CCDC180: variants seen among roughly 807,000 people sequenced by gnomAD.
CCDC180 encodes coiled-coil domain containing 180, also known as coiled-coil domain-containing protein 180.
In CCDC180, 154 loss-of-function variants were observed where a neutral mutation model predicts 209.2. The observed-to-expected ratio is 0.74, with a 90% CI of 0.65 to 0.84. The LOEUF is 0.84. Among genes scored for constraint, CCDC180 ranks in the 40% least tolerant of loss-of-function variants. The pLI, the probability that CCDC180 is intolerant of heterozygous loss-of-function variation, is 0.00. For synonymous variants in CCDC180, 778 were observed against 749.1 expected (o/e 1.04, Z -0.63); for missense variants, 1,874 against 1,997.3 (o/e 0.94, Z 1.18).
At chr9:97,359,818 C>T (rs1826697674) in intron 25 of CCDC180, among the ~76,000 whole-genome samples, 164 bp from the exon 26 acceptor site, 1 of 152,060 alleles carries the variant, frequency 6.6e-6, no homozygotes, top group South Asian at 2.1e-4. Context: ...AGAGCCAGCC[C>T]AGCCTTCCCC....
chr9:97,325,226 C>T (rs926168357), intron 14 of CCDC180, 34 bp downstream of exon 14: 7 of 1,554,676 alleles, frequency 4.5e-6, no homozygotes, highest in South Asian at 1.2e-5. Context: ...ATGTTTCACA[C>T]CACAAACAGC....
intron 11 of CCDC180, among the ~76,000 whole-genome samples, chr9:97,321,157 G>A (rs1017888635): frequency 6.6e-6 from 1 of 152,160 alleles, no homozygotes; most frequent in South Asian, 2.1e-4. Flanking sequence ...CACATTTAAG[G>A]TAGACTAGGC....
chr9:97,322,216 A>G (rs372957082), intron 11 of CCDC180, among the ~76,000 whole-genome samples: 78 of 151,990 alleles, frequency 5.1e-4, no homozygotes, highest in African/African-American at 1.7e-3. Context: ...GCATCTGTCA[A>G]CCCTCCCAGG....
In CCDC180 at chr9:97,323,796, TG is replaced by T; in HGVS notation, c.1266del (p.Trp422Ter). 1 of 1,558,752 alleles carries T rather than the reference TG, an allele frequency of 6.4e-7. No homozygotes were observed. Among genetic ancestry groups the T allele is most frequent in the South Asian group, 1.2e-5 (1 of 84,476 alleles). On this transcript the variant is annotated frameshift_variant, in exon 13 of 37. Coordinates refer to ENST00000529487, the MANE Select transcript of CCDC180 (RefSeq NM_020893.6). LOFTEE classifies it high-confidence loss of function. ...VQNCKKQLLD[W>X]KAFTEEEAET... is the part of the protein sequence containing the mutation. ...CACACTCCAGAAGCAGCTGCTGGAC[TG>T]GAAAGCCTTCACTGAGGAGGAGGCA...
Position 97,366,225 on chromosome 9 carries a change from G to A in CCDC180, c.4048-334G>A, listed in dbSNP as rs1826915679. 2.6e-5 allele frequency among the ~76,000 whole-genome samples: 4 copies of A among 152,246 alleles called. No individual in the cohort carries two copies. Among genetic ancestry groups the A allele is most frequent in the Non-Finnish European group, 5.9e-5 (4 of 68,046 alleles). On this transcript the variant is annotated intron_variant, in intron 30 of 36. Coordinates refer to ENST00000529487, the MANE Select transcript of CCDC180 (RefSeq NM_020893.6). The surrounding 1 kb of genome is among the most constrained non-coding windows in gnomAD (Gnocchi z 4.3). Reference sequence around the variant, plus strand: ...GGCTCGCCCGTCTTTGTGGCCTGCAGCCTATACCCAGCTTGGCACTTCCTT... The same window carrying A: ...GGCTCGCCCGTCTTTGTGGCCTGCAACCTATACCCAGCTTGGCACTTCCTT...
At chr9:97,335,226 T>C (rs2199440) in intron 18 of CCDC180, among the ~76,000 whole-genome samples, 8,992 of 152,180 alleles carry the variant, frequency 0.059, 335 homozygotes, top group South Asian at 0.092. Context: ...ATGTGCACAA[T>C]GTGCAGGTTT....
intron 18 of CCDC180, 152 bp downstream of exon 18, chr9:97,330,919 T>C (rs947771512): frequency 2.5e-6 from 2 of 804,226 alleles, no homozygotes; most frequent in Admixed American, 2.5e-5. Context: ...ATTCATACTT[T>C]AAAAAAATTT....
In CCDC180 at chr9:97,375,560, G is replaced by A. The variant is rs1827229250; in HGVS notation, c.4813G>A (p.Ala1605Thr). 1 of 1,614,122 alleles carries A rather than the reference G, an allele frequency of 6.2e-7. No individual in the cohort carries two copies. Among genetic ancestry groups the A allele is most frequent in the African/African-American group, 1.3e-5 (1 of 74,952 alleles). ...TTKTTLGHLA[A>T]VEARDAVYLK... The stretch of plus-strand genomic sequence containing the variant: ...CAAAACCACCCTGGGCCACCTGGCG[G>A]CCGTGGAAGCCCGAGATGCTGTGTA... The change falls in exon 36 of 37, where the codon GCC (alanine) becomes ACC (threonine). Residue 1605 changes from alanine (A) to threonine (T), a missense_variant. By Grantham distance (58) the Ala-to-Thr change is moderately conservative. Coordinates refer to ENST00000529487, the MANE Select transcript of CCDC180 (RefSeq NM_020893.6).
Position 97,377,017 on chromosome 9 carries a change from GCACT to G in CCDC180, c.*124_*127del. On this transcript the variant is annotated 3_prime_UTR_variant, in exon 37 of 37. Coordinates refer to ENST00000529487, the MANE Select transcript of CCDC180 (RefSeq NM_020893.6). ...TCCCTCCACCCCTGCTCTGTGCCGG[GCACT>G]GTAGCTTTACCAGCGAACAGGACAC... 4.3e-6 allele frequency: 5 copies of G among 1,162,754 alleles called. No homozygotes were observed. The highest frequency in any genetic ancestry group is 5.9e-6 in the Non-Finnish European group (5 of 847,046). The allele number at this position is 1,162,754 out of a possible 1,614,324, so 72.0% of individuals were successfully genotyped here. A position where few individuals can be genotyped will look rare whatever the true frequency, so the allele number is the denominator to read the frequency against.
chr9:97,314,750 T>C, intron 7 of CCDC180, 22 bp downstream of exon 7: 1 of 1,609,682 alleles, frequency 6.2e-7, no homozygotes, highest in Non-Finnish European at 8.5e-7. Flanking sequence ...GCAGGTGGGC[T>C]GTGTGGTGAC....
chr9:97,340,177 A>T (rs962454958), intron 18 of CCDC180, among the ~76,000 whole-genome samples: 6 of 152,198 alleles, frequency 3.9e-5, no homozygotes, highest in African/African-American at 1.4e-4. Flanking sequence ...CGTCAAAGTC[A>T]TTCTCCATCC....
chr9:97,362,210 A>G lies in CCDC180; in HGVS notation c.3671A>G (p.Lys1224Arg). The G allele has an allele frequency of 1.2e-6, 2 of 1,612,366 alleles. No homozygotes were observed. Among genetic ancestry groups the G allele is most frequent in the Non-Finnish European group, 1.7e-6 (2 of 1,178,700 alleles). ...IRKLLQLPNT[K>R]WPTHHCDKDP... is the part of the protein sequence containing the mutation. ...TTTGGTTTCAGACTTCCCAACACAAAATGGCCAACCCACCATTGTGACAAA... is the reference window on the plus strand; with the variant it reads ...TTTGGTTTCAGACTTCCCAACACAAGATGGCCAACCCACCATTGTGACAAA... The change falls in exon 28 of 37, where the codon AAA (lysine) becomes AGA (arginine). Residue 1224 changes from lysine to arginine, a missense_variant. Coordinates refer to ENST00000529487, the MANE Select transcript of CCDC180 (RefSeq NM_020893.6).
intron 5 of CCDC180, among the ~76,000 whole-genome samples, chr9:97,313,980 G>A (rs1032903388): frequency 1.3e-5 from 2 of 152,184 alleles, no homozygotes; most frequent in Admixed American, 6.5e-5. Flanking sequence ...CTCTCCAGCC[G>A]TGTTTCTTCA....
Position 97,349,231 on chromosome 9 carries a change from A to C in CCDC180, c.2795A>C (p.Asn932Thr), listed in dbSNP as rs1826356317. The C allele has an allele frequency of 4.6e-6, 7 of 1,536,598 alleles. No individual in the cohort carries two copies. The East Asian group carries it at 1.7e-4, about 38-fold the overall frequency. Reference protein sequence around the residue: ...FQEEQNVRSKNFRLKIYDMEH... With the variant: ...FQEEQNVRSKTFRLKIYDMEH... ...GAAGAGCAAAACGTGAGGAGCAAAAACTTCCGCCTTAAGATCTATGACATG... is the reference window on the plus strand; with the variant it reads ...GAAGAGCAAAACGTGAGGAGCAAAACCTTCCGCCTTAAGATCTATGACATG... Residue 932 changes from asparagine to threonine, a missense_variant, in exon 21 of 37, where the codon AAC (asparagine) becomes ACC (threonine). By Grantham distance (65) the Asn-to-Thr change is moderately conservative. Transcript: ENST00000529487.
intron 18 of CCDC180, among the ~76,000 whole-genome samples, chr9:97,338,340 C>G (rs1437484468): frequency 1.3e-5 from 2 of 152,066 alleles, no homozygotes. Flanking sequence ...TAAATGTGTC[C>G]CAGAGATTCT....
chr9:97,371,742 G>T, intron 34 of CCDC180, 36 bp downstream of exon 34: 1 of 1,437,480 alleles, frequency 7.0e-7, no homozygotes, highest in Non-Finnish European at 9.7e-7. Context: ...CATGGCCCTG[G>T]GGGGCTGGTG....
In CCDC180 at chr9:97,326,572, G is replaced by C. The variant is rs545767410; in HGVS notation, c.1564G>C (p.Asp522His). 2 of 1,613,110 alleles carry C rather than the reference G, an allele frequency of 1.2e-6. No homozygotes were observed. The highest frequency in any genetic ancestry group is 8.5e-7 in the Non-Finnish European group (1 of 1,179,128). ...CTTCCAGGTGCAGGAGGCCCACCTC[G>C]ATAGGCTCTTGGACCAACTGAGGCA... Reference protein sequence around the residue: ...LESQVQEAHLDRLLDQLRQQS... With the variant: ...LESQVQEAHLHRLLDQLRQQS... Residue 522 changes from aspartate (D) to histidine (H), a missense_variant, in exon 15 of 37, where the codon GAT (aspartate) becomes CAT (histidine). Asp to His is a moderately conservative substitution (Grantham distance 81, BLOSUM62 -1). Transcript: ENST00000529487.
intron 22 of CCDC180, among the ~76,000 whole-genome samples, chr9:97,353,338 C>T (rs759736461): frequency 5.9e-5 from 9 of 152,124 alleles, no homozygotes; most frequent in Non-Finnish European, 1.0e-4. Context: ...ACTGCCTGCT[C>T]CTTGTTCATA....
At chr9:97,373,342 CAAT>C (rs1246693191) in intron 34 of CCDC180, 1 of 152,108 alleles carries the variant, frequency 6.6e-6, no homozygotes, top group Non-Finnish European at 1.5e-5. Flanking sequence ...ATTACAAAAA[CAAT>C]AAATGTTCAT....
Sources: allele counts gnomAD v4.1 joint callset (sites outside exome capture counted in the v4.1 genomes callset), GRCh38; gene constraint gnomAD v4.1.1; non-coding constraint Gnocchi (gnomAD v3.1); transcripts MANE v1.5; gene names NCBI Gene and HGNC (gene_info 2026-07-23, HGNC 2026-07-21).